FAT4: variants seen among roughly 807,000 people sequenced by gnomAD.
FAT4 encodes the protein protocadherin Fat 4.
A neutral mutation model predicts 303.9 loss-of-function variants in FAT4; 84 were observed. That is an observed-to-expected ratio of 0.28 (90% CI 0.23 to 0.33). FAT4 has a LOEUF of 0.33. Ranked by LOEUF, FAT4 falls within the 10% of genes least tolerant of loss-of-function variation. The pLI is 1.00. For synonymous variants in FAT4, 2,307 were observed against 2,298.8 expected (o/e 1.00, Z -0.10); for missense variants, 6,005 against 6,146.8 (o/e 0.98, Z 0.77).
At chr4:125,334,584 A>C (rs2125961330) in intron 2 of FAT4, among the ~76,000 whole-genome samples, 1 of 152,316 alleles carries the variant, frequency 6.6e-6, no homozygotes, top group Middle Eastern at 3.4e-3. Flanking sequence ...CAAATTTTTT[A>C]ACAATTTTGA....
rs2126087174 is a variant in FAT4, at chr4:125,481,565, T to G, written c.12649T>G (p.Leu4217Val). 1 of 1,614,068 alleles carries G rather than the reference T, an allele frequency of 6.2e-7. No individual in the cohort carries two copies. Among genetic ancestry groups the G allele is most frequent in the Non-Finnish European group, 8.5e-7 (1 of 1,179,930 alleles). The change falls in exon 16 of 18, where the codon TTG becomes GTG. Residue 4217 changes from leucine to valine, a missense_variant. Coordinates refer to ENST00000394329, the MANE Select transcript of FAT4 (RefSeq NM_001291303.3). ...CTTATCATTAGAAGGCAAAGGGCGC[T>G]TGGACTACCACATGAGTCAGAATGA... ...TALSLEGKGR[L>V]DYHMSQNEKR...
intron 3 of FAT4, among the ~76,000 whole-genome samples, chr4:125,402,475 T>C (rs888030574): frequency 2.0e-5 from 3 of 152,000 alleles, no homozygotes; most frequent in Non-Finnish European, 4.4e-5. Flanking sequence ...ACGTTAGATA[T>C]TCAATGTACA....
At position 125,491,255 on chromosome 4, in the gene FAT4, G is replaced by C. The variant is rs1205203822; in HGVS notation, c.14439G>C (p.Gly4813=). The change falls in exon 18 of 18, where the codon GGG becomes GGC. Residue 4813 remains glycine (G), a synonymous_variant. Coordinates refer to ENST00000394329, the MANE Select transcript of FAT4 (RefSeq NM_001291303.3). ...RNPSICSADH[G]RSSSEEDCRR... is the part of the protein sequence containing the mutation. ...CAAGTATCTGCAGTGCAGACCATGG[G>C]AGGTCTTCTTCAGAGGAGGACTGCA... The C allele has an allele frequency of 3.7e-6, 6 of 1,614,084 alleles. No individual in the cohort carries two copies. The highest frequency in any genetic ancestry group is 2.5e-6 in the Non-Finnish European group (3 of 1,180,032).
chr4:125,490,424 C>A lies in FAT4; in HGVS notation c.13608C>A (p.Ala4536=), dbSNP rs1727582888. 2 of 1,613,596 alleles carry A rather than the reference C, an allele frequency of 1.2e-6. No homozygotes were observed. Among genetic ancestry groups the A allele is most frequent in the Non-Finnish European group, 1.7e-6 (2 of 1,179,962 alleles). ...GTAACCAGTGCAGGGGGAAGAAGGC[C>A]AAAAATCCCAAAGAGGAGAAGAAAC... is the stretch of plus-strand genomic sequence containing the variant. ...ILCNQCRGKK[A]KNPKEEKKPK... Residue 4536 remains alanine (A), a synonymous_variant, in exon 18 of 18, where the codon GCC becomes GCA. Coordinates refer to ENST00000394329, the MANE Select transcript of FAT4 (RefSeq NM_001291303.3).
chr4:125,349,929 G>A (rs1467036), intron 2 of FAT4, among the ~76,000 whole-genome samples: 87,875 of 151,368 alleles, frequency 0.58, 25,635 homozygotes, highest in Admixed American at 0.66. Flanking sequence ...CATATATTGA[G>A]TTATAATTAT....
chr4:125,455,322 T>C (rs1300216265), intron 10 of FAT4, among the ~76,000 whole-genome samples: 2 of 152,206 alleles, frequency 1.3e-5, no homozygotes, highest in East Asian at 3.9e-4. Context: ...AAGTTACTTC[T>C]GTCTGGCTTG....
chr4:125,360,926 TTTA>T (rs1439124684), intron 2 of FAT4, among the ~76,000 whole-genome samples: 34 of 111,834 alleles, frequency 3.0e-4, no homozygotes, highest in African/African-American at 9.7e-4. Context: ...ATTTATTTTA[TTTA>T]TTTATTTTAT....
intron 14 of FAT4, 54 bp from the exon 15 acceptor site, chr4:125,479,687 A>G: frequency 6.9e-7 from 1 of 1,454,300 alleles, no homozygotes; most frequent in Non-Finnish European, 9.2e-7. Context: ...GAGTTTTAGC[A>G]AACTTCTCCT....
In FAT4 at chr4:125,446,273, A is replaced by G. The variant is rs1194303537; in HGVS notation, c.7200-20A>G. ...TATTAAAACTATATGACATATCCCT[A>G]TTTCTGCTTTCTGCTTTAGTTATAG... is the stretch of plus-strand genomic sequence containing the variant. On this transcript the variant is annotated intron_variant, in intron 8 of 17. Transcript: ENST00000394329. The G allele has an allele frequency of 4.4e-6, 7 of 1,604,740 alleles. No homozygotes were observed. The highest frequency in any genetic ancestry group is 2.6e-6 in the Non-Finnish European group (3 of 1,173,230).
intron 5 of FAT4, among the ~76,000 whole-genome samples, chr4:125,412,899 G>A (rs907284480): frequency 6.6e-6 from 1 of 151,668 alleles, no homozygotes; most frequent in African/African-American, 2.4e-5. Flanking sequence ...TAATAGTCAT[G>A]TCCCCAAAAG....
At chr4:125,457,408 A>G (rs371233593) in intron 10 of FAT4, among the ~76,000 whole-genome samples, 1 of 152,134 alleles carries the variant, frequency 6.6e-6, no homozygotes, top group Non-Finnish European at 1.5e-5. Flanking sequence ...AAATATTCTT[A>G]AAGTTTATTT....
intron 13 of FAT4, 90 bp from the exon 14 acceptor site, chr4:125,477,065 A>G (rs1473644813): frequency 9.8e-7 from 1 of 1,023,692 alleles, no homozygotes; most frequent in African/African-American, 1.7e-5. Flanking sequence ...ATGTCAAAAA[A>G]AAGCTATATT....
intron 8 of FAT4, among the ~76,000 whole-genome samples, chr4:125,439,418 C>T (rs1301394999): frequency 2.6e-5 from 4 of 151,850 alleles, no homozygotes; most frequent in Admixed American, 1.3e-4. Flanking sequence ...CTGCAACCTC[C>T]GCCTTCCAGG....
intron 2 of FAT4, among the ~76,000 whole-genome samples, chr4:125,356,411 T>C (rs1043465473): frequency 6.6e-6 from 1 of 151,986 alleles, no homozygotes; most frequent in Non-Finnish European, 1.5e-5. Flanking sequence ...TGTAACAGAT[T>C]GTTATTTACA....
chr4:125,343,028 A>T (rs1731855972), intron 2 of FAT4, among the ~76,000 whole-genome samples: 1 of 152,186 alleles, frequency 6.6e-6, no homozygotes, highest in African/African-American at 2.4e-5. Flanking sequence ...CTACATAGCA[A>T]AAGTTCTGCC....
chr4:125,465,349 GTC>G (rs1226598844), intron 11 of FAT4, among the ~76,000 whole-genome samples: 1 of 152,134 alleles, frequency 6.6e-6, no homozygotes, highest in Non-Finnish European at 1.5e-5. Flanking sequence ...TTTCAATGGT[GTC>G]TCATCATTTT....
At chr4:125,394,226 A>G (rs559155690) in intron 2 of FAT4, among the ~76,000 whole-genome samples, 13 of 152,330 alleles carry the variant, frequency 8.5e-5, no homozygotes, top group Admixed American at 5.2e-4. Context: ...CTGAACTTCA[A>G]TTACAAAAGC....
chr4:125,415,932 G>T, intron 6 of FAT4, 126 bp downstream of exon 6: 1 of 694,808 alleles, frequency 1.4e-6, no homozygotes. Context: ...ATGCTCAATT[G>T]CAGATACAGC....
intron 2 of FAT4, among the ~76,000 whole-genome samples, chr4:125,375,529 G>C (rs571354580): frequency 1.3e-5 from 2 of 152,246 alleles, no homozygotes; most frequent in African/African-American, 4.8e-5. Flanking sequence ...CTGGGACTTT[G>C]GCCTGGAAAT....
Sources: gnomAD v4.1 joint callset for allele counts (sites outside exome capture counted in the v4.1 genomes callset) on GRCh38, gnomAD v4.1.1 for gene constraint, MANE v1.5 for transcripts, NCBI Gene and HGNC (gene_info 2026-07-23, HGNC 2026-07-21) for gene names.